Variants in CCDC14 observed in about 807,000 individuals in gnomAD.
CCDC14 encodes the protein coiled-coil domain-containing protein 14.
A neutral mutation model predicts 81.4 loss-of-function variants in CCDC14; 71 were observed. The ratio of observed to expected loss-of-function variants is 0.87; its 90% CI spans 0.72 to 1.06. The LOEUF (loss-of-function observed/expected upper bound fraction) is 1.06. Among genes scored for constraint, CCDC14 ranks in the 50% least tolerant of loss-of-function variants. CCDC14 has a pLI of 0.00. For synonymous variants in CCDC14, 332 were observed against 364.8 expected (o/e 0.91, Z 1.03); for missense variants, 1,046 against 1,047.3 (o/e 1.00, Z 0.02).
chr3:123,955,373 C>A (rs932480427), intron 5 of CCDC14: 2 of 152,118 alleles, frequency 1.3e-5, no homozygotes, highest in African/African-American at 4.8e-5. Flanking sequence ...TCAGCAGCAG[C>A]CTTTCCTTAT....
intron 9 of CCDC14, among the ~76,000 whole-genome samples, chr3:123,941,065 T>C (rs747461700): frequency 4.6e-5 from 7 of 152,016 alleles, no homozygotes; most frequent in Non-Finnish European, 8.8e-5. Flanking sequence ...AATGGTCTCA[T>C]AGTTGAGTTT....
Position 123,915,487 on chromosome 3 carries a change from T to C in CCDC14, c.2010A>G (p.Ile670Met), listed in dbSNP as rs1559762500. The change falls in exon 13 of 13, where the codon ATA becomes ATG. Residue 670 changes from isoleucine (I) to methionine (M), a missense_variant. Coordinates refer to ENST00000409697, the MANE Select transcript of CCDC14 (RefSeq NM_001366335.1). ...CATTTTCATAGGTTTTGTCTGGCTC[T>C]ATGGTTTCCTCATTTTTAATTGTAG... ...PLSTIKNEET[I>M]EPDKTYENVL... The C allele has an allele frequency of 1.2e-6, 2 of 1,614,026 alleles. No homozygotes were observed. The highest frequency in any genetic ancestry group is 1.7e-6 in the Non-Finnish European group (2 of 1,179,880).
intron 8 of CCDC14, among the ~76,000 whole-genome samples, chr3:123,946,135 T>G (rs1559796061): frequency 2.0e-5 from 3 of 151,606 alleles, no homozygotes; most frequent in African/African-American, 7.3e-5. Flanking sequence ...TTTTAAGATT[T>G]TTTTTTTTTT....
At chr3:123,892,174 G>C in the CCDC14 span, among the ~76,000 whole-genome samples, 1 of 152,170 alleles carries the variant, frequency 6.6e-6, no homozygotes, top group Non-Finnish European at 1.5e-5. Flanking sequence ...GATGAGATTT[G>C]GGTGAGGACA....
chr3:123,939,063 C>G (rs1920228), intron 9 of CCDC14, among the ~76,000 whole-genome samples: 16,699 of 151,782 alleles, frequency 0.11, 2,217 homozygotes, highest in East Asian at 0.35. Context: ...CTTTGCCATT[C>G]AAGTTTTTTG....
At chr3:123,951,346 C>T (rs191229477) in intron 5 of CCDC14, among the ~76,000 whole-genome samples, 12 of 152,214 alleles carry the variant, frequency 7.9e-5, no homozygotes, top group African/African-American at 2.6e-4. Flanking sequence ...AGTAATAAAC[C>T]TCTGAACATG....
Position 123,949,150 on chromosome 3 carries a change from A to C in CCDC14, c.353-18T>G. ...TGAAGATGCTAATGTGGAAGAAGAAAAAAGTTCTTGAAATATGATTCTTCA... is the reference window on the plus strand; with the variant it reads ...TGAAGATGCTAATGTGGAAGAAGAACAAAGTTCTTGAAATATGATTCTTCA... On this transcript the variant is annotated intron_variant, in intron 5 of 12. Coordinates refer to ENST00000409697, the MANE Select transcript of CCDC14 (RefSeq NM_001366335.1). 6.7e-7 allele frequency: 1 copy of C among 1,484,418 alleles called. No homozygotes were observed. Among genetic ancestry groups the C allele is most frequent in the Non-Finnish European group, 9.2e-7 (1 of 1,082,604 alleles). The allele number at this position is 1,484,418 out of a possible 1,614,324, so 92.0% of individuals were successfully genotyped here.
chr3:123,901,598 T>C (rs2034181117), intron 5 of CCDC14, among the ~76,000 whole-genome samples: 1 of 152,182 alleles, frequency 6.6e-6, no homozygotes, highest in African/African-American at 2.4e-5. Context: ...TAGGAGATTA[T>C]ATGTACACAC....
intron 5 of CCDC14, 44 bp downstream of exon 5, chr3:123,955,799 C>A: frequency 7.0e-7 from 1 of 1,428,266 alleles, no homozygotes; most frequent in Non-Finnish European, 9.4e-7. Context: ...AAAATACCCA[C>A]AATTAAGGAT....
At chr3:123,934,823 T>A (rs923738413) in intron 9 of CCDC14, among the ~76,000 whole-genome samples, 6 of 152,150 alleles carry the variant, frequency 3.9e-5, no homozygotes, top group Non-Finnish European at 7.4e-5. Flanking sequence ...CTCACATCAC[T>A]CACATATATT....
intron 12 of CCDC14, among the ~76,000 whole-genome samples, chr3:123,926,059 T>C (rs2035343384): frequency 6.6e-6 from 1 of 152,190 alleles, no homozygotes; most frequent in Non-Finnish European, 1.5e-5. Context: ...AATTTTTATT[T>C]TTGTTTATTT....
intron 6 of CCDC14, 24 bp downstream of exon 6, chr3:123,948,872 T>C: frequency 1.9e-6 from 3 of 1,600,052 alleles, no homozygotes; most frequent in Middle Eastern, 1.7e-4. Flanking sequence ...ACACTCACGA[T>C]TTTTAAACAG....
At chr3:123,934,270 CAAA>C (rs61094944) in intron 9 of CCDC14, among the ~76,000 whole-genome samples, 4 of 52,270 alleles carry the variant, frequency 7.7e-5, no homozygotes, top group African/African-American at 3.4e-4. Flanking sequence ...GACTCTGCCT[CAAA>C]AAAAAAAAAA....
downstream of CCDC14, among the ~76,000 whole-genome samples, chr3:123,910,506 G>T (rs1330531027): frequency 2.6e-5 from 4 of 151,874 alleles, no homozygotes; most frequent in South Asian, 2.1e-4. Flanking sequence ...CTTTGCTTAC[G>T]TTCATCCCTC....
intron 1 of CCDC14, among the ~76,000 whole-genome samples, chr3:123,959,669 C>A (rs1577349438): frequency 1.3e-5 from 2 of 152,136 alleles, no homozygotes; most frequent in Middle Eastern, 3.4e-3. Flanking sequence ...CCTGCTCAGC[C>A]CTGGAGTTGG....
intron 5 of CCDC14, chr3:123,949,377 T>A (rs1045285096): frequency 1.9e-4 from 87 of 456,932 alleles, no homozygotes; most frequent in Non-Finnish European, 1.5e-4. Context: ...TTTTTTATGC[T>A]ACTTGCCATT....
intron 1 of CCDC14, chr3:123,958,565 T>A (rs148825111): frequency 2.0e-5 from 3 of 152,202 alleles, no homozygotes; most frequent in African/African-American, 7.2e-5. Context: ...TCTCTCTCAA[T>A]ATATATACAC....
At chr3:123,932,053 G>A (rs2035753641) in intron 10 of CCDC14, among the ~76,000 whole-genome samples, 2 of 152,004 alleles carry the variant, frequency 1.3e-5, no homozygotes, top group Admixed American at 6.6e-5. Flanking sequence ...TTTTCATGGC[G>A]ATAAAAGTAT....
At chr3:123,957,984 T>C (rs750038058) in intron 1 of CCDC14, 2 of 152,092 alleles carry the variant, frequency 1.3e-5, no homozygotes, top group Non-Finnish European at 2.9e-5. Flanking sequence ...TTCTATTATA[T>C]GCTTGAATAT....
Sources: allele counts gnomAD v4.1 joint callset (sites outside exome capture counted in the v4.1 genomes callset), GRCh38; gene constraint gnomAD v4.1.1; transcripts MANE v1.5; gene names NCBI Gene and HGNC (gene_info 2026-07-23, HGNC 2026-07-21).